Variants in ATP6V1B1 observed in about 807,000 individuals in gnomAD.
ATP6V1B1 encodes V-type proton ATPase subunit B, kidney isoform.
In ATP6V1B1, 41 loss-of-function variants were observed where a neutral mutation model predicts 62.1. The observed-to-expected ratio is 0.66, with a 90% CI of 0.51 to 0.86. ATP6V1B1 has a LOEUF of 0.86. Among genes scored for constraint, ATP6V1B1 ranks in the 40% least tolerant of loss-of-function variants. The pLI is 0.00. For synonymous variants in ATP6V1B1, 253 were observed against 273.4 expected (o/e 0.93, Z 0.74); for missense variants, 651 against 697.5 (o/e 0.93, Z 0.75).
At chr2:70,961,279 C>T (rs782476148) in intron 7 of ATP6V1B1, among the ~76,000 whole-genome samples, 9 of 152,162 alleles carry the variant, frequency 5.9e-5, no homozygotes, top group South Asian at 2.1e-4. Flanking sequence ...GCTTCAGGAA[C>T]GGGAGGCCTG....
Position 70,964,680 on chromosome 2 carries a change from T to C in ATP6V1B1, c.1249-56T>C, listed in dbSNP as rs1261742840. On this transcript the variant is annotated intron_variant, in intron 12 of 13. Coordinates refer to ENST00000234396, the MANE Select transcript of ATP6V1B1 (RefSeq NM_001692.4). ...GTCCCAGTGTGGCCAGGTTGGGGGC[T>C]ACTGGACTCCCGTGGTAAGCCCGCA... 3.1e-6 allele frequency: 5 copies of C among 1,612,672 alleles called. No individual in the cohort carries two copies. The African/African-American group carries it at 4.0e-5, about 13-fold the overall frequency.
intron 2 of ATP6V1B1, chr2:70,944,286 T>C (rs781934804): frequency 9.9e-6 from 12 of 1,207,428 alleles, no homozygotes; most frequent in Non-Finnish European, 1.3e-5. Context: ...TTGTAGCCCC[T>C]GGGAAACTGG....
At chr2:70,955,697 C>G (rs930321122) in intron 2 of ATP6V1B1, among the ~76,000 whole-genome samples, 1 of 151,976 alleles carries the variant, frequency 6.6e-6, no homozygotes, top group Admixed American at 6.6e-5. Context: ...GTTTATTTCT[C>G]AATTCGTGAA....
Position 70,963,369 on chromosome 2 carries a change from C to A in ATP6V1B1, c.1060+57C>A. On this transcript the variant is annotated intron_variant, in intron 10 of 13. Coordinates refer to ENST00000234396, the MANE Select transcript of ATP6V1B1 (RefSeq NM_001692.4). This position sits in a 1 kb window ranked among gnomAD's most constrained non-coding sequence, Gnocchi z 4.3. ...GCTCCCCTGTCCTCCCTTTTCCAAC[C>A]AGATACTTAAAGGGCCCACGTTGCT... 1 of 1,611,768 alleles carries A rather than the reference C, an allele frequency of 6.2e-7. No homozygotes were observed.
intron 2 of ATP6V1B1, among the ~76,000 whole-genome samples, chr2:70,946,349 T>C (rs1382198699): frequency 2.0e-5 from 3 of 152,208 alleles, no homozygotes; most frequent in African/African-American, 7.2e-5. Context: ...CACACTGGGT[T>C]TGGATTTTAA....
rs1218029836 is a variant in ATP6V1B1 at position 70,964,562 on chromosome 2, G to A, written c.1248+20G>A. 1 of 1,612,416 alleles carries A rather than the reference G, an allele frequency of 6.2e-7. No individual in the cohort carries two copies. Among genetic ancestry groups the A allele is most frequent in the Non-Finnish European group, 8.5e-7 (1 of 1,178,452 alleles). On this transcript the variant is annotated intron_variant, in intron 12 of 13. Transcript: ENST00000234396. ...CAGCTGGTAAGGAGAAGAGGGTCCG[G>A]GGGCTGGTAGGTCCTCTAGTTTCCG...
Position 70,959,102 on chromosome 2 carries a change from G to C in ATP6V1B1, c.445+7G>C, listed in dbSNP as rs781791406. On this transcript the variant is annotated splice_region_variant and intron_variant, in intron 5 of 13. Coordinates refer to ENST00000234396, the MANE Select transcript of ATP6V1B1 (RefSeq NM_001692.4). The surrounding 1 kb of genome is among the most constrained non-coding windows in gnomAD (Gnocchi z 4.2). ...GACTTTCTGGATATCAATGGTGAGT[G>C]ACTGGAGGTTCTGGATGGCTTCGGG... 1 of 1,614,122 alleles carries C rather than the reference G, an allele frequency of 6.2e-7. No homozygotes were observed. Among genetic ancestry groups the C allele is most frequent in the African/African-American group, 1.3e-5 (1 of 75,066 alleles).
chr2:70,959,901 G>C lies in ATP6V1B1; in HGVS notation c.446-38G>C. 1 of 1,614,010 alleles carries C rather than the reference G, an allele frequency of 6.2e-7. No individual in the cohort carries two copies. Among genetic ancestry groups the C allele is most frequent in the Non-Finnish European group, 8.5e-7 (1 of 1,180,006 alleles). On this transcript the variant is annotated intron_variant, in intron 5 of 13. Coordinates refer to ENST00000234396, the MANE Select transcript of ATP6V1B1 (RefSeq NM_001692.4). The surrounding 1 kb of genome is among the most constrained non-coding windows in gnomAD (Gnocchi z 4.2). Reference sequence around the variant, plus strand: ...TGTCGAGGAGAGCAGGGAAGGGTTTGAACCCCTGAGCATGGCTCTGTGATC... The same window carrying C: ...TGTCGAGGAGAGCAGGGAAGGGTTTCAACCCCTGAGCATGGCTCTGTGATC...
chr2:70,941,075 C>A, intron 1 of ATP6V1B1: 2 of 456,454 alleles, frequency 4.4e-6, no homozygotes, highest in Non-Finnish European at 5.8e-6. Flanking sequence ...TTCCACCATG[C>A]CCAGCTAATT....
intron 2 of ATP6V1B1, chr2:70,944,283 C>T: frequency 8.2e-7 from 1 of 1,226,388 alleles, no homozygotes; most frequent in Non-Finnish European, 1.1e-6. Context: ...ATTTTGTAGC[C>T]CCTGGGAAAC....
chr2:70,943,413 A>G lies in ATP6V1B1; in HGVS notation c.119-245A>G, dbSNP rs1347164949. On this transcript the variant is annotated intron_variant, in intron 1 of 13. Coordinates refer to ENST00000234396, the MANE Select transcript of ATP6V1B1 (RefSeq NM_001692.4). The stretch of plus-strand genomic sequence containing the variant: ...TGTGTGGTGGGGGCGGACTCTGAGG[A>G]GGCCTCTGCCCTCTGCCTGGCCCTC... 9.3e-6 allele frequency: 6 copies of G among 643,984 alleles called. No homozygotes were observed. In the Admixed American group the frequency reaches 1.1e-4, roughly 12 times the overall value. The allele number at this position is 643,984 out of a possible 1,614,324, so 39.9% of individuals were successfully genotyped here.
chr2:70,961,719 G>T (rs782299918), intron 8 of ATP6V1B1, 26 bp downstream of exon 8: 1 of 1,607,688 alleles, frequency 6.2e-7, no homozygotes, highest in Non-Finnish European at 8.5e-7. Flanking sequence ...TGCCCAAACT[G>T]CCCTCAGGTG....
At chr2:70,941,805 G>A (rs1401771828) in intron 1 of ATP6V1B1, 6 of 985,694 alleles carry the variant, frequency 6.1e-6, no homozygotes, top group Non-Finnish European at 7.2e-6. Context: ...GCACCCAAAG[G>A]TCTGAGAGCG....
intron 2 of ATP6V1B1, chr2:70,943,927 A>T (rs1415381699): frequency 1.1e-6 from 1 of 899,862 alleles, no homozygotes; most frequent in Non-Finnish European, 1.3e-6. Context: ...TAAAAACCAT[A>T]AAAACCCCAT....
Position 70,964,868 on chromosome 2 carries a change from A to G in ATP6V1B1, c.1378+3A>G. The G allele has an allele frequency of 2.5e-6, 4 of 1,614,068 alleles. No individual in the cohort carries two copies. Among genetic ancestry groups the G allele is most frequent in the Non-Finnish European group, 3.4e-6 (4 of 1,180,022 alleles). ...TGAGAAGAACTTCATCAATCAGGGTAAGGCGCGTCGCTGGTGTGGAGCCAG... is the reference window on the plus strand; with the variant it reads ...TGAGAAGAACTTCATCAATCAGGGTGAGGCGCGTCGCTGGTGTGGAGCCAG... On this transcript the variant is annotated splice_donor_region_variant and intron_variant, in intron 13 of 13. Transcript: ENST00000234396.
At chr2:70,944,389 C>A (rs1680093721) in intron 2 of ATP6V1B1, among the ~76,000 whole-genome samples, 1 of 151,904 alleles carries the variant, frequency 6.6e-6, no homozygotes, top group Non-Finnish European at 1.5e-5. Context: ...TATCCTCCCT[C>A]CACCAACCAG....
intron 7 of ATP6V1B1, among the ~76,000 whole-genome samples, 189 bp from the exon 8 acceptor site, chr2:70,961,407 G>A (rs1680584416): frequency 6.6e-6 from 1 of 152,204 alleles, no homozygotes; most frequent in Admixed American, 6.5e-5. Flanking sequence ...AAGGCCCTAT[G>A]AGGACTGGGG....
chr2:70,940,907 C>CTTTTTTTTTTTTTTTTTTTTTTTTTTTTT (rs782110711), intron 1 of ATP6V1B1: 3 of 685,730 alleles, frequency 4.4e-6, no homozygotes, highest in African/African-American at 2.7e-5. Context: ...TTTTCTTTTT[C>CTTTTTTTTTTTTTTTTTTTTTTTTTTTTT]TTTTTCTTTT....
At chr2:70,961,258 GA>G (rs577539769) in intron 7 of ATP6V1B1, among the ~76,000 whole-genome samples, 140 of 151,806 alleles carry the variant, frequency 9.2e-4, no homozygotes, top group Non-Finnish European at 1.4e-3. Context: ...GGGATTGGGG[GA>G]AAAAAGATAG....
Sources: allele counts gnomAD v4.1 joint callset (sites outside exome capture counted in the v4.1 genomes callset), GRCh38; gene constraint gnomAD v4.1.1; non-coding constraint Gnocchi (gnomAD v3.1); transcripts MANE v1.5; gene names NCBI Gene and HGNC (gene_info 2026-07-23, HGNC 2026-07-21).